Variants in ZNF418 observed in about 807,000 individuals in gnomAD.
ZNF418 encodes the protein zinc finger protein 418.
In ZNF418, 32 loss-of-function variants were observed where a neutral mutation model predicts 32.0. The observed-to-expected ratio is 1.00, with a 90% CI of 0.75 to 1.34. The LOEUF is 1.34. Ranked by LOEUF, ZNF418 falls within the 40% of genes most tolerant of loss-of-function variation. The probability of loss-of-function intolerance (pLI) is 0.00; values close to 1 mark genes in which losing one functional copy is unlikely to be tolerated. For synonymous variants in ZNF418, 276 were observed against 270.7 expected (o/e 1.02, Z -0.19); for missense variants, 804 against 812.5 (o/e 0.99, Z 0.13).
At chr19:57,930,781 T>C (rs1238970230) in intron 2 of ZNF418, among the ~76,000 whole-genome samples, 2 of 151,996 alleles carry the variant, frequency 1.3e-5, no homozygotes, top group South Asian at 2.1e-4. Flanking sequence ...GCTGTGCTTG[T>C]TTTTTTGTTT....
At chr19:57,923,503 T>C (rs943786632) in intron 4 of ZNF418, among the ~76,000 whole-genome samples, 8 of 149,710 alleles carry the variant, frequency 5.3e-5, no homozygotes, top group Non-Finnish European at 7.4e-5. Context: ...TATACATATA[T>C]ACACACACAT....
Position 57,926,809 on chromosome 19 carries a change from C to G in ZNF418, c.1372G>C (p.Glu458Gln). 6.2e-7 allele frequency: 1 copy of G among 1,614,168 alleles called. No individual in the cohort carries two copies. The highest frequency in any genetic ancestry group is 2.2e-5 in the East Asian group (1 of 44,884). The change falls in exon 4 of 6, where the codon GAG becomes CAG. Residue 458 changes from glutamate to glutamine, a missense_variant. This residue lies in a region of ZNF418 where 475 missense variants were observed against 458.6 expected (regional missense o/e 1.04). Transcript: ENST00000396147. ...HTGERPYECR[E>Q]CRKLFRGKSH... ...TTGCCCCTAAATAATTTCCTACACTCTCTACACTCATAAGGCCTTTCTCCA... is the reference window on the plus strand; with the variant it reads ...TTGCCCCTAAATAATTTCCTACACTGTCTACACTCATAAGGCCTTTCTCCA...
chr19:57,923,497 C>CAT (rs1326120209), intron 4 of ZNF418, among the ~76,000 whole-genome samples: 2 of 149,398 alleles, frequency 1.3e-5, no homozygotes, highest in Admixed American at 6.8e-5. Context: ...CATGTATATA[C>CAT]ATATATACAC....
At chr19:57,929,686 C>CT (rs71940099) in intron 3 of ZNF418, among the ~76,000 whole-genome samples, 2,101 of 145,446 alleles carry the variant, frequency 0.014, 20 homozygotes, top group Non-Finnish European at 0.02. Context: ...AACAGAATTT[C>CT]TTTTTTTTTT....
intron 4 of ZNF418, among the ~76,000 whole-genome samples, chr19:57,924,695 C>T (rs1244816438): frequency 6.6e-6 from 1 of 152,208 alleles, no homozygotes; most frequent in Non-Finnish European, 1.5e-5. Context: ...CATTCCAGGA[C>T]CTAGGGAACA....
intron 2 of ZNF418, chr19:57,932,785 C>T (rs2072535517): frequency 2.2e-6 from 1 of 457,160 alleles, no homozygotes; most frequent in Non-Finnish European, 3.7e-6. Context: ...AACCCCCAAG[C>T]ACCAACAAAG....
At chr19:57,934,756 T>C (rs954538073) in intron 1 of ZNF418, 5 of 248,512 alleles carry the variant, frequency 2.0e-5, no homozygotes, top group African/African-American at 1.1e-4. Context: ...CTCTACTATG[T>C]TCTTCCTTTG....
chr19:57,930,493 C>CCT lies in ZNF418; in HGVS notation c.67_68insAG (p.Ser23LysfsTer12). Reference sequence around the variant, plus strand: ...ATGGTAAAGGCATCTCTGAACCTCACTAAGGAGACTCCACTCCTCCTGGGA... The same window carrying CCT: ...ATGGTAAAGGCATCTCTGAACCTCACCTTAAGGAGACTCCACTCCTCCTGGGA... On this transcript the variant is annotated frameshift_variant, in exon 3 of 6. Coordinates refer to ENST00000396147, the MANE Select transcript of ZNF418 (RefSeq NM_133460.3). LOFTEE classifies it high-confidence loss of function. 6.2e-7 allele frequency: 1 copy of CCT among 1,614,186 alleles called. No homozygotes were observed. Among genetic ancestry groups the CCT allele is most frequent in the South Asian group, 1.1e-5 (1 of 91,086 alleles).
In ZNF418 at chr19:57,927,681, T is replaced by A. The variant is rs1218730396; in HGVS notation, c.500A>T (p.Asp167Val). 1 of 1,614,074 alleles carries A rather than the reference T, an allele frequency of 6.2e-7. No homozygotes were observed. Among genetic ancestry groups the A allele is most frequent in the Non-Finnish European group, 8.5e-7 (1 of 1,180,044 alleles). The change falls in exon 4 of 6, where the codon GAC becomes GTC. Residue 167 changes from aspartate (D) to valine (V), a missense_variant. By Grantham distance (152) the Asp-to-Val change is radical. Coordinates refer to ENST00000396147, the MANE Select transcript of ZNF418 (RefSeq NM_133460.3). ...ESSIFIQSGK[D>V]FLPSSGLLLQ... ...CAGTAATCCTGAGCTGGGCAAAAAG[T>A]CCTTTCCACTCTGAATGAAGATAGA...
rs62126276 is a variant in ZNF418, at chr19:57,928,588, C to T, written c.134-541G>A. Among the ~76,000 whole-genome samples, 357 of 152,260 alleles carry T rather than the reference C, an allele frequency of 2.3e-3. 1 individual carries two copies. Among genetic ancestry groups the T allele is most frequent in the Non-Finnish European group, 4.4e-3 (299 of 68,014 alleles). On this transcript the variant is annotated intron_variant, in intron 3 of 5. Transcript: ENST00000396147. ...GTATAACTCTTTCCTTTGCAAACCA[C>T]TTGTCTGCGGGAAATTATCTGATGA... is the stretch of plus-strand genomic sequence containing the variant.
chr19:57,928,721 C>T (rs965128665), intron 3 of ZNF418, among the ~76,000 whole-genome samples: 2 of 151,972 alleles, frequency 1.3e-5, no homozygotes, highest in Admixed American at 6.6e-5. Flanking sequence ...TGGCCGGGTG[C>T]GGTGGCTCAC....
At chr19:57,923,415 TATATATATATACATATACACACACATAC>T (rs1371784163) in intron 4 of ZNF418, 126 bp from the exon 5 acceptor site, 1 of 151,618 alleles carries the variant, frequency 6.6e-6, no homozygotes, top group Non-Finnish European at 1.5e-5. Flanking sequence ...ATGCAAAATA[TATATATATATACATATACACACACATAC>T]ATATATACAC....
intron 2 of ZNF418, among the ~76,000 whole-genome samples, chr19:57,932,912 C>T (rs2072539449): frequency 6.6e-6 from 1 of 152,106 alleles, no homozygotes; most frequent in Non-Finnish European, 1.5e-5. Flanking sequence ...CTATTCTACC[C>T]TTGGAAAGCC....
At chr19:57,931,432 T>C (rs1473581369) in intron 2 of ZNF418, among the ~76,000 whole-genome samples, 5 of 151,778 alleles carry the variant, frequency 3.3e-5, no homozygotes. Context: ...AAACTCCTGA[T>C]CTCAGGTGAT....
At chr19:57,932,569 G>A (rs767869947) in intron 2 of ZNF418, 16 of 1,532,928 alleles carry the variant, frequency 1.0e-5, no homozygotes, top group Non-Finnish European at 1.4e-5. Flanking sequence ...GTTGCACTTG[G>A]TGACCCCTCT....
Position 57,928,935 on chromosome 19 carries a change from A to C in ZNF418, c.134-888T>G, listed in dbSNP as rs8111046. Among the ~76,000 whole-genome samples, 1,381 of 152,268 alleles carry C rather than the reference A, an allele frequency of 9.1e-3. 25 individuals carry two copies. Among genetic ancestry groups the C allele is most frequent in the African/African-American group, 0.031 (1,302 of 41,556 alleles). On this transcript the variant is annotated intron_variant, in intron 3 of 5. Transcript: ENST00000396147. ...CGTGAACCCAGGAGGTGGAGCTTGC[A>C]GTGAGCTGAGATCACGCCACTGTAC...
chr19:57,934,191 G>GCGA lies in ZNF418; in HGVS notation c.-80-290_-80-289insTCG. On this transcript the variant is annotated intron_variant, in intron 1 of 5. Coordinates refer to ENST00000396147, the MANE Select transcript of ZNF418 (RefSeq NM_133460.3). ...AGAGAACATGTGAATGGGGAATAAGGCCAGTGAGGGAATGGAACACCCTCT... is the reference window on the plus strand; with the variant it reads ...AGAGAACATGTGAATGGGGAATAAGGCGACCAGTGAGGGAATGGAACACCCTCT... The GCGA allele has an allele frequency of 2.6e-6, 3 of 1,151,690 alleles. No homozygotes were observed. The South Asian group carries it at 8.3e-5, about 32-fold the overall frequency. The allele number at this position is 1,151,690 out of a possible 1,614,324, so 71.3% of individuals were successfully genotyped here.
intron 3 of ZNF418, among the ~76,000 whole-genome samples, chr19:57,929,777 G>A (rs1316297975): frequency 6.6e-6 from 1 of 151,896 alleles, no homozygotes; most frequent in Admixed American, 6.6e-5. Flanking sequence ...CCGCCTCCCA[G>A]GTTCACACCA....
chr19:57,927,831 T>G lies in ZNF418; in HGVS notation c.350A>C (p.Asn117Thr), dbSNP rs750772996. ...ACGGTTTGAACTATCATACAATTTA[T>G]TCCCCCATGCCTCACACCTGTGCAG... Reference protein sequence around the residue: ...QKLHRCEAWGNKLYDSSNRPH... With the variant: ...QKLHRCEAWGTKLYDSSNRPH... The change falls in exon 4 of 6, where the codon AAT becomes ACT. Residue 117 changes from asparagine to threonine, a missense_variant. By Grantham distance (65) the Asn-to-Thr change is moderately conservative. Around this residue, in one of 3 missense-constraint regions of ZNF418, gnomAD observed 307 missense variants for 304.9 expected, o/e 1.01. Coordinates refer to ENST00000396147, the MANE Select transcript of ZNF418 (RefSeq NM_133460.3). 3 of 1,614,086 alleles carry G rather than the reference T, an allele frequency of 1.9e-6. No homozygotes were observed. Among genetic ancestry groups the G allele is most frequent in the Non-Finnish European group, 1.7e-6 (2 of 1,179,970 alleles).
Sources: gnomAD v4.1 joint callset for allele counts (sites outside exome capture counted in the v4.1 genomes callset) on GRCh38, gnomAD v4.1.1 for gene constraint, gnomAD v4.1.1 regional missense constraint, MANE v1.5 for transcripts, NCBI Gene and HGNC (gene_info 2026-07-23, HGNC 2026-07-21) for gene names.